Variants in NRG2 observed in about 807,000 individuals in gnomAD.
NRG2 encodes pro-neuregulin-2, membrane-bound isoform.
NRG2 carries 27 observed loss-of-function variants against 73.9 expected under a neutral mutation model. The observed-to-expected ratio is 0.37, with a 90% confidence interval of 0.27 to 0.50. The LOEUF (loss-of-function observed/expected upper bound fraction) is 0.50, where lower values mean the gene tolerates loss of function less well. NRG2 is among the 20% of genes least tolerant of loss of function. The pLI is 0.96. For missense variants in NRG2, 1,126 were observed against 1,210.1 expected, an observed-to-expected ratio of 0.93 and a Z score of 1.03; for synonymous variants, 532 against 541.0, an observed-to-expected ratio of 0.98 and a Z score of 0.23.
chr5:139,924,178 C>T (rs775916896), intron 1 of NRG2, among the ~76,000 whole-genome samples: 5 of 152,126 alleles, frequency 3.3e-5, no homozygotes, highest in Admixed American at 2.6e-4. Flanking sequence ...TTTGAGGGGC[C>T]CATGATCCTA....
intron 1 of NRG2, among the ~76,000 whole-genome samples, chr5:139,970,099 T>G (rs1755857831): frequency 6.6e-6 from 1 of 152,190 alleles, no homozygotes; most frequent in Non-Finnish European, 1.5e-5. Context: ...CTGACTATTC[T>G]CCACATTCTC....
rs993623445 is a variant in NRG2 at position 139,868,451 on chromosome 5, G to A, written c.1113-2826C>T. ...GGATTGACCCTCTGATTTTCAGGGG[G>A]CACAGAGGACAGATTAGAAGGAGCA... On this transcript the variant is annotated intron_variant, in intron 4 of 9. Transcript: ENST00000361474. The surrounding 1 kb of genome is among the most constrained non-coding windows in gnomAD (Gnocchi z 4.2). Among the ~76,000 whole-genome samples the A allele has an allele frequency of 6.6e-6, 1 of 152,094 alleles. No homozygotes were observed. Among genetic ancestry groups the A allele is most frequent in the African/African-American group, 2.4e-5 (1 of 41,406 alleles).
intron 1 of NRG2, among the ~76,000 whole-genome samples, chr5:139,895,924 G>T (rs1282198118): frequency 6.6e-6 from 1 of 152,258 alleles, no homozygotes; most frequent in Non-Finnish European, 1.5e-5. Context: ...GCCAGCTGTG[G>T]GTGGACTAGG....
intron 1 of NRG2, among the ~76,000 whole-genome samples, chr5:139,906,068 C>T (rs960778290): frequency 2.0e-5 from 3 of 152,136 alleles, no homozygotes; most frequent in Non-Finnish European, 2.9e-5. Flanking sequence ...AGTGCAGTGG[C>T]GCCATCTTGA....
chr5:139,871,939 C>T (rs536508865), intron 3 of NRG2, 98 bp from the exon 4 acceptor site: 3 of 1,502,282 alleles, frequency 2.0e-6, no homozygotes, highest in Non-Finnish European at 2.7e-6. Context: ...TGGAAGATGA[C>T]CAGAGGCTGC....
At chr5:139,925,067 G>A (rs1228626580) in intron 1 of NRG2, among the ~76,000 whole-genome samples, 3 of 152,152 alleles carry the variant, frequency 2.0e-5, no homozygotes, top group Non-Finnish European at 4.4e-5. Context: ...CAGGAGGATA[G>A]CCCAGGACTC....
intron 1 of NRG2, among the ~76,000 whole-genome samples, chr5:140,038,696 G>T (rs1460161209): frequency 6.6e-6 from 1 of 152,188 alleles, no homozygotes; most frequent in East Asian, 1.9e-4. Flanking sequence ...GGCAGGGCAG[G>T]AGAACTAGGA....
At chr5:139,857,823 T>C (rs1380729441) in intron 5 of NRG2, among the ~76,000 whole-genome samples, 1 of 152,096 alleles carries the variant, frequency 6.6e-6, no homozygotes, top group Non-Finnish European at 1.5e-5. Context: ...CTCCCTTTCT[T>C]CCCACCTACC....
chr5:139,950,004 C>A (rs1294925386), intron 1 of NRG2, among the ~76,000 whole-genome samples: 2 of 152,190 alleles, frequency 1.3e-5, no homozygotes, highest in Non-Finnish European at 2.9e-5. Flanking sequence ...ATGTGTGTGA[C>A]AAAGACACAA....
At chr5:139,863,528 C>G (rs1328818237) in intron 5 of NRG2, among the ~76,000 whole-genome samples, 1 of 152,206 alleles carries the variant, frequency 6.6e-6, no homozygotes, top group African/African-American at 2.4e-5. Flanking sequence ...GATAGCGGCC[C>G]GGTTCCGGAG....
At chr5:139,890,016 T>C (rs1764103629) in intron 1 of NRG2, among the ~76,000 whole-genome samples, 1 of 152,198 alleles carries the variant, frequency 6.6e-6, no homozygotes, top group East Asian at 1.9e-4. Context: ...AATTGCTGCG[T>C]CAGAAGGTAT....
rs1485068203 is a variant in NRG2 at position 139,853,914 on chromosome 5, C to T, written c.1293-887G>A. Among the ~76,000 whole-genome samples, 1 of 152,162 alleles carries T rather than the reference C, an allele frequency of 6.6e-6. No individual in the cohort carries two copies. Among genetic ancestry groups the T allele is most frequent in the Non-Finnish European group, 1.5e-5 (1 of 68,034 alleles). ...TAATTATACATTTAAAAGAGTATAACTGGATTGCTTGTAACACAAAGGTCC... is the reference window on the plus strand; with the variant it reads ...TAATTATACATTTAAAAGAGTATAATTGGATTGCTTGTAACACAAAGGTCC... On this transcript the variant is annotated intron_variant, in intron 6 of 9. Transcript: ENST00000361474. The surrounding 1 kb of genome is among the most constrained non-coding windows in gnomAD (Gnocchi z 4.1).
At chr5:139,960,130 C>T (rs1754947336) in intron 1 of NRG2, among the ~76,000 whole-genome samples, 1 of 152,230 alleles carries the variant, frequency 6.6e-6, no homozygotes, top group Admixed American at 6.5e-5. Context: ...TGGAGCCTTC[C>T]TCTCTTCAGA....
At chr5:139,901,412 G>A (rs1206876468) in intron 1 of NRG2, among the ~76,000 whole-genome samples, 1 of 152,126 alleles carries the variant, frequency 6.6e-6, no homozygotes, top group Non-Finnish European at 1.5e-5. Context: ...GGCTCAGCAG[G>A]GTCAGCCAGG....
intron 6 of NRG2, among the ~76,000 whole-genome samples, chr5:139,854,363 C>G (rs866198054): frequency 6.6e-6 from 1 of 152,280 alleles, no homozygotes; most frequent in Non-Finnish European, 1.5e-5. Context: ...GCTCCTCAGC[C>G]AAGGTTAGGT....
In NRG2 at chr5:139,887,542, G is replaced by C. The variant is rs371189935; in HGVS notation, c.701-31C>G. On this transcript the variant is annotated intron_variant, in intron 1 of 9. Transcript: ENST00000361474. This position sits in a 1 kb window ranked among gnomAD's most constrained non-coding sequence, Gnocchi z 4.5. Reference sequence around the variant, plus strand: ...GGTTACAAGGCAGGTAGGTGAGCACGGTGGTGGTAGGGGCAGTGCCAAGCA... The same window carrying C: ...GGTTACAAGGCAGGTAGGTGAGCACCGTGGTGGTAGGGGCAGTGCCAAGCA... The C allele has an allele frequency of 6.2e-7, 1 of 1,606,452 alleles. No individual in the cohort carries two copies. Among genetic ancestry groups the C allele is most frequent in the South Asian group, 1.1e-5 (1 of 90,260 alleles).
intron 1 of NRG2, among the ~76,000 whole-genome samples, chr5:139,922,255 A>T (rs1751729399): frequency 6.6e-6 from 1 of 152,188 alleles, no homozygotes; most frequent in African/African-American, 2.4e-5. Context: ...GAACTCAACA[A>T]TGAAACAAAG....
chr5:139,993,347 C>G (rs184172545), intron 1 of NRG2, among the ~76,000 whole-genome samples: 10 of 152,334 alleles, frequency 6.6e-5, no homozygotes, highest in Admixed American at 3.9e-4. Flanking sequence ...TTCCCTCTTC[C>G]TCACTGCGTT....
chr5:139,890,060 G>A (rs1436310361), intron 1 of NRG2, among the ~76,000 whole-genome samples: 2 of 152,054 alleles, frequency 1.3e-5, no homozygotes, highest in Non-Finnish European at 2.9e-5. Context: ...TTGCCAAATT[G>A]CCCTTTGGAA....
Sources: gnomAD v4.1 joint callset for allele counts (sites outside exome capture counted in the v4.1 genomes callset) on GRCh38, gnomAD v4.1.1 for gene constraint, Gnocchi (gnomAD v3.1) non-coding constraint, MANE v1.5 for transcripts, NCBI Gene and HGNC (gene_info 2026-07-23, HGNC 2026-07-21) for gene names.